VAV1: variants seen among roughly 807,000 people sequenced by gnomAD.
VAV1 encodes vav guanine nucleotide exchange factor 1, also known as proto-oncogene vav.
VAV1 carries 33 observed loss-of-function variants against 128.1 expected under a neutral mutation model. The observed-to-expected ratio is 0.26, with a 90% CI of 0.20 to 0.34. The LOEUF is 0.34. VAV1 is among the 10% of genes least tolerant of loss of function. The pLI is 1.00. For synonymous variants in VAV1, 394 were observed against 409.8 expected (o/e 0.96, Z 0.47); for missense variants, 715 against 1,093.7 (o/e 0.65, Z 4.88).
At chr19:6,801,887 G>T (rs1250454260) in intron 1 of VAV1, among the ~76,000 whole-genome samples, 4 of 152,190 alleles carry the variant, frequency 2.6e-5, no homozygotes, top group Non-Finnish European at 5.9e-5. Context: ...AAATGGGGAA[G>T]AATGAACCTC....
At position 6,822,381 on chromosome 19, in the gene VAV1, C is replaced by G; in HGVS notation, c.559-38C>G. ...GGGAGGGCGTGGGCGGGGGGCAGCC[C>G]CAGGCCCCCCAACACCGGCCTCTCC... On this transcript the variant is annotated intron_variant, in intron 5 of 26. Transcript: ENST00000602142. This position sits in a 1 kb window ranked among gnomAD's most constrained non-coding sequence, Gnocchi z 5.9. 6.4e-7 allele frequency: 1 copy of G among 1,552,862 alleles called. No homozygotes were observed. Among genetic ancestry groups the G allele is most frequent in the Non-Finnish European group, 8.7e-7 (1 of 1,149,084 alleles).
rs535328943 is a variant in VAV1 at position 6,832,571 on chromosome 19, C to A, written c.1508+371C>A. Reference sequence around the variant, plus strand: ...TCTTCCTCCTCCTCTCCTTCCTCCCCTTCCTCCTCCTCGCCCTCCTCTTCC... The same window carrying A: ...TCTTCCTCCTCCTCTCCTTCCTCCCATTCCTCCTCCTCGCCCTCCTCTTCC... On this transcript the variant is annotated intron_variant, in intron 15 of 26. Coordinates refer to ENST00000602142, the MANE Select transcript of VAV1 (RefSeq NM_005428.4). Among the ~76,000 whole-genome samples, 761 of 131,336 alleles carry A rather than the reference C, an allele frequency of 5.8e-3. 1 individual carries two copies. The highest frequency in any genetic ancestry group is 7.1e-3 in the Non-Finnish European group (466 of 65,610). The allele number at this position is 131,336 out of a possible 152,430, so 86.2% of individuals were successfully genotyped here.
At chr19:6,791,425 TATCTC>T (rs1971016494) in intron 1 of VAV1, among the ~76,000 whole-genome samples, 1 of 151,856 alleles carries the variant, frequency 6.6e-6, no homozygotes, top group Non-Finnish European at 1.5e-5. Context: ...GTCCTTGAGC[TATCTC>T]ATCTCAAGGT....
At chr19:6,791,786 T>C (rs1374169846) in intron 1 of VAV1, among the ~76,000 whole-genome samples, 4 of 152,054 alleles carry the variant, frequency 2.6e-5, no homozygotes, top group Admixed American at 6.6e-5. Flanking sequence ...GAGGGCATGC[T>C]TTCTGGAGGG....
In VAV1 at chr19:6,820,848, G is replaced by A. The variant is rs1971764564; in HGVS notation, c.321+30G>A. ...GCTGCACACTTGAAGCCCAAAGACT[G>A]AGTTTCAGTTAATTTCTATTGACGT... On this transcript the variant is annotated intron_variant, in intron 2 of 26. Transcript: ENST00000602142. This position sits in a 1 kb window ranked among gnomAD's most constrained non-coding sequence, Gnocchi z 4.4. 1 of 1,598,112 alleles carries A rather than the reference G, an allele frequency of 6.3e-7. No individual in the cohort carries two copies. The highest frequency in any genetic ancestry group is 8.6e-7 in the Non-Finnish European group (1 of 1,165,676).
chr19:6,780,746 G>T (rs1344437089), intron 1 of VAV1, among the ~76,000 whole-genome samples: 1 of 148,680 alleles, frequency 6.7e-6, no homozygotes, highest in Non-Finnish European at 1.5e-5. Flanking sequence ...TAATTTTTTT[G>T]TATTTTTAGT....
chr19:6,832,600 T>TCCTCTTC (rs1972102634), intron 15 of VAV1, among the ~76,000 whole-genome samples: 1 of 130,370 alleles, frequency 7.7e-6, no homozygotes, highest in Non-Finnish European at 1.5e-5. Flanking sequence ...CTCTTCCTCT[T>TCCTCTTC]CCTCCTATTC....
Position 6,833,632 on chromosome 19 carries a change from G to A in VAV1, c.1708+7G>A, listed in dbSNP as rs755301733. ...TGTGGCCGACATGGGCAAGGTACGA[G>A]TGGGAGGGAGGCTGGGAGGTGAGCT... is the stretch of plus-strand genomic sequence containing the variant. On this transcript the variant is annotated splice_region_variant and intron_variant, in intron 17 of 26. Transcript: ENST00000602142. 2 of 1,614,126 alleles carry A rather than the reference G, an allele frequency of 1.2e-6. No homozygotes were observed. The highest frequency in any genetic ancestry group is 3.3e-5 in the Admixed American group (2 of 60,014).
At chr19:6,782,353 T>TAAAA (rs932688412) in intron 1 of VAV1, among the ~76,000 whole-genome samples, 2 of 143,682 alleles carry the variant, frequency 1.4e-5, no homozygotes, top group African/African-American at 5.3e-5. Context: ...AATAAATAAA[T>TAAAA]AAAAATAAAA....
chr19:6,805,191 G>A (rs74178484), intron 1 of VAV1, among the ~76,000 whole-genome samples: 1 of 151,936 alleles, frequency 6.6e-6, no homozygotes, highest in Non-Finnish European at 1.5e-5. Context: ...TTGGGAGGCC[G>A]AGGCGGATGG....
chr19:6,856,165 C>T (rs1972794483), intron 26 of VAV1, among the ~76,000 whole-genome samples: 1 of 152,106 alleles, frequency 6.6e-6, no homozygotes, highest in African/African-American at 2.4e-5. Flanking sequence ...GGCATTGTGG[C>T]GTGCGCCTCT....
chr19:6,836,550 T>G lies in VAV1; in HGVS notation c.1896T>G (p.Ala632=). The G allele has an allele frequency of 3.1e-6, 5 of 1,613,988 alleles. No individual in the cohort carries two copies. The highest frequency in any genetic ancestry group is 4.2e-6 in the Non-Finnish European group (5 of 1,180,008). ...TTGTGGAGCTCACGAAGGCTGAGGC[T>G]GAACAGAACTGGTGGGAGGTACAGG... ...GDIVELTKAE[A]EQNWWEGRNT... Residue 632 remains alanine, a synonymous_variant, in exon 20 of 27, where the codon GCT becomes GCG. Coordinates refer to ENST00000602142, the MANE Select transcript of VAV1 (RefSeq NM_005428.4).
At chr19:6,846,923 T>G (rs934370182) in intron 22 of VAV1, among the ~76,000 whole-genome samples, 4 of 149,330 alleles carry the variant, frequency 2.7e-5, no homozygotes, top group Non-Finnish European at 5.9e-5. Flanking sequence ...TTTTGTTTTT[T>G]TTTTTTTGGA....
chr19:6,849,579 C>T lies in VAV1; in HGVS notation c.2130-1091C>T, dbSNP rs553183439. ...CCACCTGCCTCGGCCTCTCAAAGTGCTGGGATTACAGGCGTGAGCCACTGT... is the reference window on the plus strand; with the variant it reads ...CCACCTGCCTCGGCCTCTCAAAGTGTTGGGATTACAGGCGTGAGCCACTGT... On this transcript the variant is annotated intron_variant, in intron 23 of 26. Coordinates refer to ENST00000602142, the MANE Select transcript of VAV1 (RefSeq NM_005428.4). Among the ~76,000 whole-genome samples, 22 of 152,010 alleles carry T rather than the reference C, an allele frequency of 1.4e-4. No homozygotes were observed. In the South Asian group the frequency reaches 4.2e-3, roughly 29 times the overall value.
At chr19:6,821,762 C>T in intron 3 of VAV1, 29 bp from the exon 4 acceptor site, 1 of 1,613,914 alleles carries the variant, frequency 6.2e-7, no homozygotes, top group Non-Finnish European at 8.5e-7. Context: ...GCCCCCAGGC[C>T]CCTGGCTCAC....
chr19:6,809,105 G>A (rs1971460917), intron 1 of VAV1, among the ~76,000 whole-genome samples: 1 of 149,588 alleles, frequency 6.7e-6, no homozygotes, highest in Admixed American at 6.7e-5. Flanking sequence ...TTTTGAGATA[G>A]GGTCTTGTCT....
At chr19:6,783,245 C>T (rs553343828) in intron 1 of VAV1, among the ~76,000 whole-genome samples, 1 of 152,282 alleles carries the variant, frequency 6.6e-6, no homozygotes, top group East Asian at 1.9e-4. Flanking sequence ...TACATGACTT[C>T]AGTGATAGTG....
Position 6,825,685 on chromosome 19 carries a change from A to G in VAV1, c.827+279A>G, listed in dbSNP as rs187981947. On this transcript the variant is annotated intron_variant, in intron 8 of 26. Coordinates refer to ENST00000602142, the MANE Select transcript of VAV1 (RefSeq NM_005428.4). ...TGGTGAGGGTTGACTATACGGATGC[A>G]CACAGGGCCTGGCACATAGTAGATG... 1.3e-3 allele frequency among the ~76,000 whole-genome samples: 194 copies of G among 152,330 alleles called. 2 individuals carry two copies. The highest frequency in any genetic ancestry group is 4.6e-3 in the African/African-American group (191 of 41,574).
intron 15 of VAV1, 104 bp downstream of exon 15, chr19:6,832,304 C>G: frequency 9.8e-7 from 1 of 1,020,400 alleles, no homozygotes; most frequent in South Asian, 1.5e-5. Context: ...CATGGGACCA[C>G]TCTGAACCAC....
Sources: allele counts gnomAD v4.1 joint callset (sites outside exome capture counted in the v4.1 genomes callset), GRCh38; gene constraint gnomAD v4.1.1; non-coding constraint Gnocchi (gnomAD v3.1); transcripts MANE v1.5; gene names NCBI Gene and HGNC (gene_info 2026-07-23, HGNC 2026-07-21).